HSPA4: variants seen among roughly 807,000 people sequenced by gnomAD.
HSPA4 encodes the protein heat shock protein family A (Hsp70) member 4, also known as heat shock 70 kDa protein 4.
A neutral mutation model predicts 106.2 loss-of-function variants in HSPA4; 25 were observed. The ratio of observed to expected loss-of-function variants is 0.24; its 90% confidence interval spans 0.17 to 0.33. HSPA4 has a LOEUF of 0.33. Among genes scored for constraint, HSPA4 ranks in the 10% least tolerant of loss-of-function variants. HSPA4 has a pLI of 1.00. For synonymous variants in HSPA4, 332 were observed against 333.6 expected (o/e 1.00, Z 0.05); for missense variants, 841 against 996.0 (o/e 0.84, Z 2.10).
chr5:133,104,021 A>G lies in HSPA4; in HGVS notation c.2314A>G (p.Ile772Val), dbSNP rs142668244. 1.4e-5 allele frequency: 22 copies of G among 1,609,520 alleles called. No individual in the cohort carries two copies. The African/African-American group carries it at 2.4e-4, about 18-fold the overall frequency. Residue 772 changes from isoleucine to valine, a missense_variant, in exon 18 of 19, where the codon ATT becomes GTT. Ile to Val is a conservative substitution (Grantham distance 29). Transcript: ENST00000304858. ...CAAGTCAAAAGAGATTGAAGCTAAAATTAAGGTAATTTAAGACTTTTTTTT... is the reference window on the plus strand; with the variant it reads ...CAAGTCAAAAGAGATTGAAGCTAAAGTTAAGGTAATTTAAGACTTTTTTTT... Reference protein sequence around the residue: ...VVKSKEIEAKIKELTSTCSPI... With the variant: ...VVKSKEIEAKVKELTSTCSPI...
rs56373873 is a variant in HSPA4, at chr5:133,106,141, GGTGTGTGT to G, written c.*1719_*1726del. 2.6e-4 allele frequency: 14 copies of G among 53,582 alleles called. No homozygotes were observed. Among genetic ancestry groups the G allele is most frequent in the African/African-American group, 9.2e-4 (13 of 14,150 alleles). The allele number at this position is 53,582 out of a possible 1,614,324, so 3.3% of individuals were successfully genotyped here. On this transcript the variant is annotated 3_prime_UTR_variant, in exon 19 of 19. Coordinates refer to ENST00000304858, the MANE Select transcript of HSPA4 (RefSeq NM_002154.4). ...TTTTTTTTTTTTTTTTTTTTTTTTTGGTGTGTGTGTGTGTGTGTGTGGGGAAGGGTGTG... is the reference window on the plus strand; with the variant it reads ...TTTTTTTTTTTTTTTTTTTTTTTTTGGTGTGTGTGTGTGGGGAAGGGTGTG...
chr5:133,096,335 C>T (rs748357757), intron 14 of HSPA4, 85 bp downstream of exon 14: 2 of 1,293,694 alleles, frequency 1.5e-6, no homozygotes, highest in Non-Finnish European at 2.2e-6. Flanking sequence ...TGACTTTTTG[C>T]ATTTTTGATT....
intron 1 of HSPA4, among the ~76,000 whole-genome samples, chr5:133,064,110 G>A (rs1171052361): frequency 1.3e-5 from 2 of 152,194 alleles, no homozygotes; most frequent in Non-Finnish European, 2.9e-5. Flanking sequence ...TTTCAGTTTC[G>A]CCTTTCTAAA....
chr5:133,076,542 A>T, intron 6 of HSPA4, 112 bp from the exon 7 acceptor site: 1 of 920,614 alleles, frequency 1.1e-6, no homozygotes, highest in Non-Finnish European at 1.6e-6. Context: ...TTTTAACCTT[A>T]ATGTAACCCT....
At chr5:133,069,716 T>C (rs1212834077) in intron 3 of HSPA4, among the ~76,000 whole-genome samples, 1 of 152,210 alleles carries the variant, frequency 6.6e-6, no homozygotes, top group Non-Finnish European at 1.5e-5. Flanking sequence ...ACACATAGTA[T>C]GTCAGATAGT....
chr5:133,103,735 TTG>T (rs1263913504), intron 17 of HSPA4, 128 bp from the exon 18 acceptor site: 2 of 699,618 alleles, frequency 2.9e-6, no homozygotes, highest in Admixed American at 3.2e-5. Context: ...TCTGTTCAGA[TTG>T]TGAGGCTAAA....
chr5:133,088,386 C>CTT lies in HSPA4; in HGVS notation c.986-17_986-16insTT. On this transcript the variant is annotated splice_polypyrimidine_tract_variant and intron_variant, in intron 8 of 18. Coordinates refer to ENST00000304858, the MANE Select transcript of HSPA4 (RefSeq NM_002154.4). ...CTTTCATTTCATTAAAAAAATCTGT[C>CTT]TAATTCTTTAAAAATAGAGTTAAAG... The CTT allele has an allele frequency of 5.2e-6, 8 of 1,539,046 alleles. No homozygotes were observed. Among genetic ancestry groups the CTT allele is most frequent in the Non-Finnish European group, 7.2e-6 (8 of 1,117,132 alleles).
intron 7 of HSPA4, among the ~76,000 whole-genome samples, chr5:133,081,657 C>T (rs1765516377): frequency 6.6e-6 from 1 of 152,058 alleles, no homozygotes. Context: ...CTTTTGTTTC[C>T]TTCTGTTTAT....
chr5:133,096,484 T>A (rs761693148), intron 14 of HSPA4, among the ~76,000 whole-genome samples: 48 of 152,260 alleles, frequency 3.2e-4, no homozygotes, highest in Admixed American at 5.2e-4. Flanking sequence ...TATGAAAATT[T>A]TGACATATAA....
In HSPA4 at chr5:133,091,188, C is replaced by A; in HGVS notation, c.1379-5C>A. 1 of 1,612,160 alleles carries A rather than the reference C, an allele frequency of 6.2e-7. No individual in the cohort carries two copies. The highest frequency in any genetic ancestry group is 1.1e-5 in the South Asian group (1 of 91,018). ...TGTGTTCTTTTGTCTCTCGTATGTC[C>A]CTAGCTCAGTTTTCAGTTCAGAAAG... On this transcript the variant is annotated splice_polypyrimidine_tract_variant and splice_region_variant and intron_variant, in intron 11 of 18. Transcript: ENST00000304858.
intron 13 of HSPA4, among the ~76,000 whole-genome samples, 196 bp downstream of exon 13, chr5:133,092,985 ATTT>A (rs537301370): frequency 2.9e-4 from 38 of 132,034 alleles, no homozygotes; most frequent in Middle Eastern, 3.7e-3. Context: ...CACGGCAGCT[ATTT>A]TTTTTTTTTT....
At chr5:133,101,920 ACTT>A (rs1765790023) in intron 17 of HSPA4, 42 bp downstream of exon 17, 8 of 1,174,398 alleles carry the variant, frequency 6.8e-6, no homozygotes, top group East Asian at 3.0e-5. Context: ...AGTAAAGTTA[ACTT>A]TTTTTTTTTT....
Position 133,101,879 on chromosome 5 carries a change from G to A in HSPA4, c.2157+1G>A. On this transcript the variant is annotated splice_donor_variant, in intron 17 of 18. Coordinates refer to ENST00000304858, the MANE Select transcript of HSPA4 (RefSeq NM_002154.4). LOFTEE classifies it high-confidence loss of function. ...AATAATCAGCTCTTTCAAAAACAAG[G>A]TAACTTTTTTCTTTGTCCTACTCTT... 6.6e-7 allele frequency: 1 copy of A among 1,515,626 alleles called. No individual in the cohort carries two copies. Among genetic ancestry groups the A allele is most frequent in the Non-Finnish European group, 9.0e-7 (1 of 1,115,836 alleles). The allele number at this position is 1,515,626 out of a possible 1,614,324, so 93.9% of individuals were successfully genotyped here. A position where few individuals can be genotyped will look rare whatever the true frequency, so the allele number is the denominator to read the frequency against.
chr5:133,057,099 T>C (rs1765174360), intron 1 of HSPA4, among the ~76,000 whole-genome samples: 1 of 152,204 alleles, frequency 6.6e-6, no homozygotes, highest in African/African-American at 2.4e-5. Context: ...TTGCTGTGTT[T>C]TTAGGAACAG....
At chr5:133,064,517 T>A (rs1353285081) in intron 1 of HSPA4, among the ~76,000 whole-genome samples, 1 of 150,642 alleles carries the variant, frequency 6.6e-6, no homozygotes, top group Admixed American at 6.6e-5. Flanking sequence ...AAAAAAAAAA[T>A]TGAGTGCCTG....
rs188936729 is a variant in HSPA4, at chr5:133,103,348, C to T, written c.2158-517C>T. Among the ~76,000 whole-genome samples the T allele has an allele frequency of 9.2e-5, 14 of 151,722 alleles. No individual in the cohort carries two copies. In the East Asian group the frequency reaches 2.3e-3, roughly 25 times the overall value. On this transcript the variant is annotated intron_variant, in intron 17 of 18. Transcript: ENST00000304858. ...CTAAGATTACGAGCGTGAGCCACCA[C>T]GCCTAGCCCGAAAGGCCTTCTTCTT... is the stretch of plus-strand genomic sequence containing the variant.
intron 10 of HSPA4, 131 bp from the exon 11 acceptor site, chr5:133,089,431 A>G (rs1561583972): frequency 2.4e-6 from 2 of 820,596 alleles, no homozygotes; most frequent in Non-Finnish European, 1.8e-6. Context: ...GGGAACTCTT[A>G]TAATCTGGAA....
chr5:133,106,131 TTTTTTTTTTGGTGTG>T lies in HSPA4; in HGVS notation c.*1697_*1711del, dbSNP rs1765858155. ...TTTTTTTTTTTTTTTTTTTTTTTTT[TTTTTTTTTTGGTGTG>T]TGTGTGTGTGTGTGTGGGGAAGGGT... On this transcript the variant is annotated 3_prime_UTR_variant, in exon 19 of 19. Coordinates refer to ENST00000304858, the MANE Select transcript of HSPA4 (RefSeq NM_002154.4). 1 of 67,844 alleles carries T rather than the reference TTTTTTTTTTGGTGTG, an allele frequency of 1.5e-5. No individual in the cohort carries two copies. Among genetic ancestry groups the T allele is most frequent in the African/African-American group, 7.4e-5 (1 of 13,496 alleles). 4.2% of individuals were successfully genotyped at this position (67,844 alleles called of 1,614,324 possible).
rs1765829090 is a variant in HSPA4 at position 133,104,392 on chromosome 5, C to T, written c.2479C>T (p.Pro827Ser). The change falls in exon 19 of 19, where the codon CCT becomes TCT. Residue 827 changes from proline (P) to serine (S), a missense_variant. Coordinates refer to ENST00000304858, the MANE Select transcript of HSPA4 (RefSeq NM_002154.4). ...TGAGCAGGGTACAGACACAGCTGTG[C>T]CTTCGGATTCAGACAAGAAGCTTCC... ...AAEQGTDTAVPSDSDKKLPEM... is the reference protein window; with the variant it reads ...AAEQGTDTAVSSDSDKKLPEM... 6.2e-7 allele frequency: 1 copy of T among 1,613,992 alleles called. No individual in the cohort carries two copies. The highest frequency in any genetic ancestry group is 1.3e-5 in the African/African-American group (1 of 74,902).
Sources: allele counts gnomAD v4.1 joint callset (sites outside exome capture counted in the v4.1 genomes callset), GRCh38; gene constraint gnomAD v4.1.1; transcripts MANE v1.5; gene names NCBI Gene and HGNC (gene_info 2026-07-23, HGNC 2026-07-21).